Variants in COL4A4 observed in about 807,000 individuals in gnomAD.
COL4A4 encodes the protein collagen type IV alpha 4 chain, also known as collagen alpha-4(IV) chain.
Under a neutral mutation model 192.9 loss-of-function variants are expected in COL4A4, and 105 were observed. The ratio of observed to expected loss-of-function variants is 0.54; its 90% CI spans 0.46 to 0.64. The LOEUF (loss-of-function observed/expected upper bound fraction) is 0.64, where lower values mean the gene tolerates loss of function less well. COL4A4 is among the 30% of genes least tolerant of loss of function. The probability of loss-of-function intolerance (pLI) is 0.00; values close to 1 mark genes in which losing one functional copy is unlikely to be tolerated. For missense variants in COL4A4, 1,967 were observed against 2,169.3 expected (o/e 0.91, Z 1.85); for synonymous variants, 762 against 769.9 (o/e 0.99, Z 0.17).
chr2:227,001,048 GA>G (rs1163364812), downstream of COL4A4, among the ~76,000 whole-genome samples: 1 of 151,860 alleles, frequency 6.6e-6, no homozygotes, highest in African/African-American at 2.4e-5. Context: ...TCAGCAGCAT[GA>G]AAATGGACTA....
intron 8 of COL4A4, 146 bp from the exon 9 acceptor site, chr2:227,111,859 G>A (rs775529600): frequency 2.3e-5 from 18 of 795,758 alleles, no homozygotes; most frequent in Non-Finnish European, 3.8e-5. Flanking sequence ...AATTGAGGAA[G>A]GGATATGCGG....
At chr2:227,033,571 C>T (rs943388217) in intron 37 of COL4A4, 90 bp from the exon 38 acceptor site, 42 of 1,171,414 alleles carry the variant, frequency 3.6e-5, no homozygotes, top group Non-Finnish European at 5.0e-5. Flanking sequence ...CAGCAGAGGG[C>T]GCGTTGCTGG....
intron 25 of COL4A4, among the ~76,000 whole-genome samples, chr2:227,068,457 C>G (rs1480430481): frequency 1.3e-5 from 2 of 152,098 alleles, no homozygotes; most frequent in Non-Finnish European, 1.5e-5. Context: ...AACATTGATG[C>G]AAAAATCCTC....
rs1362664502 is a variant in COL4A4 at position 227,094,183 on chromosome 2, CTTCCCTGGTTTTCCTGGA to C, written c.1293_1310del (p.Lys434_Gly439del). The C allele has an allele frequency of 6.2e-7, 1 of 1,613,792 alleles. No homozygotes were observed. Among genetic ancestry groups the C allele is most frequent in the Admixed American group, 1.7e-5 (1 of 60,008 alleles). ...CTCCAGGCAAGCCAGGTGATCCTGG[CTTCCCTGGTTTTCCTGGA>C]GCAGAATCAGGTCTCCCAGGAATAC... On this transcript the variant is annotated inframe_deletion, in exon 20 of 48. Transcript: ENST00000396625.
At chr2:227,087,017 GAA>G (rs1381841290) in intron 22 of COL4A4, among the ~76,000 whole-genome samples, 1 of 152,120 alleles carries the variant, frequency 6.6e-6, no homozygotes, top group Non-Finnish European at 1.5e-5. Flanking sequence ...GGGGAAAATG[GAA>G]AAAAGTCCTT....
intron 4 of COL4A4, among the ~76,000 whole-genome samples, chr2:227,131,624 T>C (rs2062475321): frequency 6.6e-6 from 1 of 152,146 alleles, no homozygotes; most frequent in Non-Finnish European, 1.5e-5. Context: ...GGGAGCTGAA[T>C]GGCGCCACAA....
the COL4A4 span, among the ~76,000 whole-genome samples, chr2:226,984,148 G>A: frequency 5.6e-3 from 857 of 152,318 alleles, 10 homozygotes; most frequent in African/African-American, 0.02. Context: ...ATCACTGGGG[G>A]TCTGCCCAGC....
the COL4A4 span, among the ~76,000 whole-genome samples, chr2:226,973,592 T>C: frequency 6.6e-6 from 1 of 152,240 alleles, no homozygotes; most frequent in South Asian, 2.1e-4. Context: ...CCTAGTCCCC[T>C]TAGCAAGGAC....
At chr2:226,990,519 A>G in the COL4A4 span, among the ~76,000 whole-genome samples, 23 of 152,330 alleles carry the variant, frequency 1.5e-4, no homozygotes, top group African/African-American at 5.5e-4. Context: ...GGCAGGATCT[A>G]TGAATAGCAG....
chr2:227,025,762 C>A (rs1966841334), intron 43 of COL4A4, 40 bp downstream of exon 43: 1 of 1,585,746 alleles, frequency 6.3e-7, no homozygotes, highest in Non-Finnish European at 8.7e-7. Flanking sequence ...GACTAGAAAC[C>A]AGAGTGAGGG....
chr2:227,008,035 C>T lies in COL4A4; in HGVS notation c.4792G>A (p.Gly1598Arg), dbSNP rs1403779580. The change falls in exon 47 of 48, where the codon GGG becomes AGG. Residue 1598 changes from glycine to arginine, a missense_variant. By Grantham distance (125) the Gly-to-Arg change is moderately radical (BLOSUM62 -2). Transcript: ENST00000396625. Reference protein sequence around the residue: ...CPQTWRSLWIGYSFLMHTGAG... With the variant: ...CPQTWRSLWIRYSFLMHTGAG... ...GGACTCACCATCAGGAATGAATACC[C>T]GATCCAGAGGCTCCTCCAGGTCTGC... 1 of 1,612,286 alleles carries T rather than the reference C, an allele frequency of 6.2e-7. No homozygotes were observed. Among genetic ancestry groups the T allele is most frequent in the South Asian group, 1.1e-5 (1 of 91,080 alleles).
intron 44 of COL4A4, among the ~76,000 whole-genome samples, chr2:227,012,579 G>T (rs189598535): frequency 2.5e-3 from 371 of 147,552 alleles, no homozygotes; most frequent in Non-Finnish European, 4.5e-3. Context: ...GACCAGGGAG[G>T]TGTTGAGAGA....
chr2:227,001,490 C>T (rs140506543), downstream of COL4A4, among the ~76,000 whole-genome samples: 805 of 152,280 alleles, frequency 5.3e-3, 12 homozygotes, highest in African/African-American at 0.018. Context: ...ACCTTAGAAC[C>T]CGTAAAACAA....
intron 34 of COL4A4, among the ~76,000 whole-genome samples, chr2:227,049,581 C>T (rs1019407566): frequency 6.6e-6 from 1 of 152,348 alleles, no homozygotes; most frequent in African/African-American, 2.4e-5. Flanking sequence ...TTGTAAATTA[C>T]ATCTATCTTG....
intron 37 of COL4A4, among the ~76,000 whole-genome samples, chr2:227,035,583 C>T (rs1056490883): frequency 6.6e-6 from 1 of 151,558 alleles, no homozygotes; most frequent in African/African-American, 2.4e-5. Context: ...TCTCTTATTC[C>T]TAACCACTTT....
chr2:227,104,704 G>A (rs1213911288), intron 12 of COL4A4, among the ~76,000 whole-genome samples: 2 of 139,674 alleles, frequency 1.4e-5, no homozygotes, highest in Non-Finnish European at 3.0e-5. Flanking sequence ...GCAATGACGC[G>A]ATCTCGGCTC....
chr2:226,970,963 C>T, the COL4A4 span, among the ~76,000 whole-genome samples: 2 of 152,160 alleles, frequency 1.3e-5, no homozygotes, highest in Admixed American at 1.3e-4. Context: ...TCCTATCTGT[C>T]CCACAGATCC....
chr2:227,163,459 T>A (rs2125592585), intron 1 of COL4A4, among the ~76,000 whole-genome samples: 1 of 152,386 alleles, frequency 6.6e-6, no homozygotes, highest in South Asian at 2.1e-4. Flanking sequence ...TGCATTCCAA[T>A]AAAACTGATT....
the COL4A4 span, among the ~76,000 whole-genome samples, chr2:226,972,814 G>A: frequency 6.6e-6 from 1 of 151,516 alleles, no homozygotes; most frequent in African/African-American, 2.4e-5. Flanking sequence ...AAATGTTTTG[G>A]TTTCTGTCAG....
Sources: gnomAD v4.1 joint callset for allele counts (sites outside exome capture counted in the v4.1 genomes callset) on GRCh38, gnomAD v4.1.1 for gene constraint, MANE v1.5 for transcripts, NCBI Gene and HGNC (gene_info 2026-07-23, HGNC 2026-07-21) for gene names.